LINC00305: variants seen among roughly 807,000 people sequenced by gnomAD.
LINC00305 encodes the protein long independently transcribed non-coding RNA 305, also known as long intergenic non-protein coding RNA 305.
chr18:64,097,119 AATG>A (rs1319179771), intron 3 of LINC00305, among the ~76,000 whole-genome samples: 2 of 152,076 alleles, frequency 1.3e-5, no homozygotes, highest in Non-Finnish European at 2.9e-5. Context: ...ATGTTAGTGT[AATG>A]ATATTTCCAT....
At chr18:64,129,541 C>T (rs2051400194) in intron 1 of LINC00305, among the ~76,000 whole-genome samples, 1 of 152,024 alleles carries the variant, frequency 6.6e-6, no homozygotes, top group African/African-American at 2.4e-5. Context: ...GAAGTTAGAA[C>T]TGACATTTCT....
intron 3 of LINC00305, among the ~76,000 whole-genome samples, chr18:64,094,902 G>T (rs975727076): frequency 1.8e-5 from 2 of 108,646 alleles, no homozygotes; most frequent in Non-Finnish European, 1.9e-5. Context: ...TAAAATAAAA[G>T]AATTTCTTTC....
intron 1 of LINC00305, among the ~76,000 whole-genome samples, chr18:64,112,254 ATAGC>A (rs1246647946): frequency 6.6e-6 from 1 of 151,948 alleles, no homozygotes; most frequent in Non-Finnish European, 1.5e-5. Context: ...GACTGGAAAA[ATAGC>A]TTGTCATAGC....
Position 64,146,947 on chromosome 18 carries a change from C to T in LINC00305, n.314+1828G>A, listed in dbSNP as rs568357686. 2.0e-5 allele frequency among the ~76,000 whole-genome samples: 3 copies of T among 152,230 alleles called. No individual in the cohort carries two copies. The South Asian group carries it at 6.2e-4, about 32-fold the overall frequency. Reference sequence around the variant, plus strand: ...AGTTCAGCTTCACATATTAGCAAGTCAATTTGTATGTTTTTCAGAATGTTT... The same window carrying T: ...AGTTCAGCTTCACATATTAGCAAGTTAATTTGTATGTTTTTCAGAATGTTT... On this transcript the variant is annotated intron_variant and non_coding_transcript_variant, in intron 1 of 3. Transcript: ENST00000666468.
chr18:64,084,347 C>A (rs74834765), intron 3 of LINC00305, among the ~76,000 whole-genome samples: 1 of 152,018 alleles, frequency 6.6e-6, no homozygotes, highest in Middle Eastern at 3.2e-3. Context: ...AGGCCTCATA[C>A]GTGGGTGACA....
intron 1 of LINC00305, among the ~76,000 whole-genome samples, chr18:64,148,485 G>C (rs1392458984): frequency 6.6e-6 from 1 of 151,950 alleles, no homozygotes; most frequent in East Asian, 1.9e-4. Context: ...TGTCTTATAA[G>C]GGAATTTAAT....
chr18:64,140,382 T>C (rs2051456346), intron 1 of LINC00305, among the ~76,000 whole-genome samples: 1 of 152,108 alleles, frequency 6.6e-6, no homozygotes, highest in South Asian at 2.1e-4. Context: ...CTAATTTTTG[T>C]GTTTTTAGTT....
chr18:64,089,418 T>G (rs1352560785), intron 3 of LINC00305, among the ~76,000 whole-genome samples: 1 of 152,166 alleles, frequency 6.6e-6, no homozygotes, highest in Non-Finnish European at 1.5e-5. Context: ...CTATCCAGTC[T>G]CAGGTAGTAT....
At chr18:64,097,432 T>A (rs1195414487) in intron 3 of LINC00305, among the ~76,000 whole-genome samples, 1 of 152,146 alleles carries the variant, frequency 6.6e-6, no homozygotes, top group African/African-American at 2.4e-5. Context: ...GGATTCTTAT[T>A]GTCTTAGAAA....
At chr18:64,138,219 G>T (rs1001160996) in intron 1 of LINC00305, among the ~76,000 whole-genome samples, 4 of 152,158 alleles carry the variant, frequency 2.6e-5, no homozygotes, top group Non-Finnish European at 5.9e-5. Context: ...AAATTGATCA[G>T]TAAGAAAGAT....
At chr18:64,125,072 A>C (rs530476447) in intron 1 of LINC00305, among the ~76,000 whole-genome samples, 112 of 152,276 alleles carry the variant, frequency 7.4e-4, no homozygotes, top group African/African-American at 2.5e-3. Context: ...AATATTTTCA[A>C]TCAAAAGCAT....
chr18:64,147,885 G>T (rs1038997416), intron 1 of LINC00305, among the ~76,000 whole-genome samples: 26 of 152,096 alleles, frequency 1.7e-4, no homozygotes, highest in Admixed American at 6.6e-5. Flanking sequence ...GGTTGGTGCA[G>T]CTGGTTTTGG....
intron 1 of LINC00305, among the ~76,000 whole-genome samples, chr18:64,113,562 AAGTT>A: frequency 6.6e-6 from 1 of 152,282 alleles, no homozygotes; most frequent in Non-Finnish European, 1.5e-5. Flanking sequence ...TTAGACCTCT[AAGTT>A]AGTTACACTG....
At chr18:64,133,017 A>G (rs1178051079) in intron 1 of LINC00305, among the ~76,000 whole-genome samples, 1 of 152,214 alleles carries the variant, frequency 6.6e-6, no homozygotes, top group African/African-American at 2.4e-5. Context: ...CTGGGACTTC[A>G]GACACGATAT....
chr18:64,146,451 C>A (rs897277746), intron 1 of LINC00305, among the ~76,000 whole-genome samples: 1 of 152,136 alleles, frequency 6.6e-6, no homozygotes, highest in Non-Finnish European at 1.5e-5. Context: ...AAGTGACCAG[C>A]ATTCCTTCTA....
chr18:64,118,838 G>A (rs1313753347), intron 1 of LINC00305, among the ~76,000 whole-genome samples: 2 of 116,700 alleles, frequency 1.7e-5, no homozygotes, highest in African/African-American at 5.5e-5. Context: ...GTGTGTGTGT[G>A]TGTGTGTGTG....
At chr18:64,103,159 A>G (rs771558968) in intron 1 of LINC00305, among the ~76,000 whole-genome samples, 4 of 152,230 alleles carry the variant, frequency 2.6e-5, no homozygotes, top group Non-Finnish European at 4.4e-5. Context: ...AAACACAAAC[A>G]GAAACTTAAA....
intron 3 of LINC00305, among the ~76,000 whole-genome samples, chr18:64,087,944 A>C (rs563714839): frequency 1.9e-4 from 29 of 151,938 alleles, no homozygotes; most frequent in South Asian, 4.2e-4. Context: ...ACAAAAAAAA[A>C]CAAAACAAAC....
At chr18:64,115,934 C>A (rs1253253083) in intron 1 of LINC00305, among the ~76,000 whole-genome samples, 2 of 152,084 alleles carry the variant, frequency 1.3e-5, no homozygotes, top group African/African-American at 4.8e-5. Flanking sequence ...TAACATTTTC[C>A]AAGTTGTAAA....
Sources: allele counts gnomAD v4.1 joint callset (sites outside exome capture counted in the v4.1 genomes callset), GRCh38; gene constraint gnomAD v4.1.1; transcripts MANE v1.5; gene names NCBI Gene and HGNC (gene_info 2026-07-23, HGNC 2026-07-21).